Variants in PDHX observed in about 807,000 individuals in gnomAD.
PDHX encodes pyruvate dehydrogenase complex component X, also known as pyruvate dehydrogenase protein X component, mitochondrial.
PDHX carries 33 observed loss-of-function variants against 55.3 expected under a neutral mutation model. The ratio of observed to expected loss-of-function variants is 0.60; its 90% CI spans 0.45 to 0.80. The LOEUF is 0.80. Among genes scored for constraint, PDHX ranks in the 30% least tolerant of loss-of-function variants. The pLI is 0.00. For missense variants in PDHX, 622 were observed against 619.9 expected (o/e 1.00, Z -0.04); for synonymous variants, 226 against 219.4 (o/e 1.03, Z -0.27).
chr11:34,982,093 TG>T (rs759141545), intron 8 of PDHX, among the ~76,000 whole-genome samples: 9 of 152,238 alleles, frequency 5.9e-5, no homozygotes, highest in Non-Finnish European at 1.0e-4. Flanking sequence ...GTGTTCTGAA[TG>T]GTATTGCCTA....
At chr11:34,927,923 A>G (rs991475141) in intron 1 of PDHX, among the ~76,000 whole-genome samples, 4 of 152,114 alleles carry the variant, frequency 2.6e-5, no homozygotes, top group Non-Finnish European at 5.9e-5. Flanking sequence ...TCAGATAAGC[A>G]ATTTCAATTC....
intron 8 of PDHX, among the ~76,000 whole-genome samples, chr11:34,978,996 G>GC (rs1463483182): frequency 1.6e-4 from 25 of 152,156 alleles, no homozygotes; most frequent in Admixed American, 1.6e-3. Context: ...GAGACGATGA[G>GC]CTCCCCTGGG....
intron 5 of PDHX, among the ~76,000 whole-genome samples, chr11:34,964,495 T>G (rs564074464): frequency 6.6e-6 from 1 of 152,148 alleles, no homozygotes; most frequent in East Asian, 1.9e-4. Flanking sequence ...TCTCAGCTAC[T>G]AAAGAGGCTG....
chr11:34,954,246 A>G (rs1854850889), intron 3 of PDHX, among the ~76,000 whole-genome samples: 1 of 152,230 alleles, frequency 6.6e-6, no homozygotes, highest in Non-Finnish European at 1.5e-5. Flanking sequence ...ATTACTTAAT[A>G]TATTGATTTT....
intron 1 of PDHX, among the ~76,000 whole-genome samples, chr11:34,917,369 A>G (rs532317354): frequency 1.3e-5 from 2 of 152,342 alleles, no homozygotes; most frequent in East Asian, 3.9e-4. Flanking sequence ...GTTTCAAGCA[A>G]ATATTCGCTT....
At chr11:34,955,407 A>C (rs968074462) in intron 3 of PDHX, among the ~76,000 whole-genome samples, 11 of 152,204 alleles carry the variant, frequency 7.2e-5, no homozygotes, top group African/African-American at 2.7e-4. Context: ...AGGTTGAAGA[A>C]ATTATCTTAA....
At chr11:34,984,287 G>A (rs1855592335) in intron 8 of PDHX, among the ~76,000 whole-genome samples, 1 of 152,084 alleles carries the variant, frequency 6.6e-6, no homozygotes, top group African/African-American at 2.4e-5. Context: ...TTGCAATCAG[G>A]AAAGAAAGCC....
chr11:34,991,522 T>A (rs1471843492), intron 9 of PDHX, among the ~76,000 whole-genome samples: 1 of 152,154 alleles, frequency 6.6e-6, no homozygotes, highest in African/African-American at 2.4e-5. Flanking sequence ...AGATTGTGGA[T>A]AAAGATGAAG....
intron 9 of PDHX, 51 bp downstream of exon 9, chr11:34,984,779 A>G: frequency 1.3e-6 from 2 of 1,555,088 alleles, no homozygotes; most frequent in Non-Finnish European, 1.8e-6. Flanking sequence ...ATACTTTTGG[A>G]TAATTACTTT....
rs149176285 is a variant in PDHX at position 34,970,167 on chromosome 11, A to G, written c.845A>G (p.Asn282Ser). The G allele has an allele frequency of 6.2e-7, 1 of 1,613,730 alleles. No homozygotes were observed. The highest frequency in any genetic ancestry group is 8.5e-7 in the Non-Finnish European group (1 of 1,179,650). The change falls in exon 7 of 11, where the codon AAT becomes AGT. Residue 282 changes from asparagine (N) to serine (S), a missense_variant. Physicochemically the swap from Asn to Ser is conservative, Grantham distance 46. Coordinates refer to ENST00000227868, the MANE Select transcript of PDHX (RefSeq NM_003477.3). ...ACATTCACTGAAATCCCCGCCAGCA[A>G]TATTCGAAGAGTTATTGCCAAGAGA... The part of the protein sequence containing the change: ...VGTFTEIPAS[N>S]IRRVIAKRLT...
chr11:34,960,769 T>C (rs1855007842), intron 5 of PDHX, among the ~76,000 whole-genome samples: 2 of 152,310 alleles, frequency 1.3e-5, no homozygotes, highest in East Asian at 1.9e-4. Flanking sequence ...TGGTAATAAA[T>C]GCAGAAAATT....
chr11:34,959,678 G>T (rs1238207084), intron 4 of PDHX, among the ~76,000 whole-genome samples: 1 of 152,042 alleles, frequency 6.6e-6, no homozygotes, highest in Non-Finnish European at 1.5e-5. Flanking sequence ...TAGCAAAATG[G>T]TAGAAACAAC....
chr11:34,927,305 A>G (rs571334809), intron 1 of PDHX, among the ~76,000 whole-genome samples: 1 of 152,198 alleles, frequency 6.6e-6, no homozygotes, highest in African/African-American at 2.4e-5. Flanking sequence ...CAAACTACTT[A>G]CCTGTAGTTG....
intron 5 of PDHX, 151 bp downstream of exon 5, chr11:34,960,669 A>T: frequency 3.5e-6 from 2 of 577,426 alleles, no homozygotes. Context: ...ATCATTGTAA[A>T]TTGTATTCTA....
intron 7 of PDHX, 179 bp from the exon 8 acceptor site, chr11:34,977,945 A>C: frequency 1.6e-6 from 1 of 606,442 alleles, no homozygotes; most frequent in Non-Finnish European, 3.0e-6. Context: ...TTGATCCAGG[A>C]CCTCATATAA....
At position 34,995,508 on chromosome 11, in the gene PDHX, T is replaced by C; in HGVS notation, c.*336T>C. On this transcript the variant is annotated 3_prime_UTR_variant, in exon 11 of 11. Transcript: ENST00000227868. ...TTGAGCATTTTGGAATATTTGAGAATGTATGATACATGTAAAATTAAAAAA... is the reference window on the plus strand; with the variant it reads ...TTGAGCATTTTGGAATATTTGAGAACGTATGATACATGTAAAATTAAAAAA... 3.0e-6 allele frequency: 1 copy of C among 329,706 alleles called. No homozygotes were observed. Among genetic ancestry groups the C allele is most frequent in the South Asian group, 2.6e-5 (1 of 37,880 alleles). The allele number at this position is 329,706 out of a possible 1,614,324, so 20.4% of individuals were successfully genotyped here.
At chr11:34,924,760 G>A (rs60346281) in intron 1 of PDHX, among the ~76,000 whole-genome samples, 28,625 of 151,790 alleles carry the variant, frequency 0.19, 3,807 homozygotes, top group African/African-American at 0.39. Context: ...AGTTTAAATA[G>A]TACTGAAAGG....
chr11:34,992,803 A>G (rs1329619178), intron 10 of PDHX, among the ~76,000 whole-genome samples: 1 of 152,164 alleles, frequency 6.6e-6, no homozygotes, highest in Non-Finnish European at 1.5e-5. Flanking sequence ...GCTATTACAA[A>G]TTATGGTGCT....
chr11:34,929,412 T>C (rs577120674), intron 1 of PDHX, among the ~76,000 whole-genome samples: 1 of 152,210 alleles, frequency 6.6e-6, no homozygotes, highest in South Asian at 2.1e-4. Flanking sequence ...TAAATTTTAA[T>C]AGAGTGGGGT....
Sources: allele counts gnomAD v4.1 joint callset (sites outside exome capture counted in the v4.1 genomes callset), GRCh38; gene constraint gnomAD v4.1.1; transcripts MANE v1.5; gene names NCBI Gene and HGNC (gene_info 2026-07-23, HGNC 2026-07-21).